The following CDX1 variants were observed in gnomAD, a reference collection of about 807,000 sequenced individuals.
The protein encoded by CDX1 is caudal type homeobox 1.
A neutral mutation model predicts 16.9 loss-of-function variants in CDX1; 9 were observed. The observed-to-expected ratio is 0.53, with a 90% confidence interval of 0.32 to 0.93. The LOEUF (loss-of-function observed/expected upper bound fraction) is 0.93. Ranked by LOEUF, CDX1 falls within the 40% of genes least tolerant of loss-of-function variation. The pLI is 0.04. For missense variants in CDX1, 393 were observed against 386.1 expected (o/e 1.02, Z -0.15); for synonymous variants, 179 against 179.0 (o/e 1.00, Z 0.00).
At chr5:150,173,037 C>A (rs1004855301) in intron 1 of CDX1, among the ~76,000 whole-genome samples, 2 of 152,192 alleles carry the variant, frequency 1.3e-5, no homozygotes, top group East Asian at 3.9e-4. Flanking sequence ...ATGCCACGCT[C>A]ACCCCTCAGG....
At chr5:150,182,666 C>G in intron 1 of CDX1, 102 bp from the exon 2 acceptor site, 1 of 1,176,896 alleles carries the variant, frequency 8.5e-7, no homozygotes, top group Non-Finnish European at 1.2e-6. Context: ...GGTCCTACTT[C>G]AGGGAGCCTG....
chr5:150,168,516 G>A (rs577901653), intron 1 of CDX1, among the ~76,000 whole-genome samples: 4 of 152,196 alleles, frequency 2.6e-5, no homozygotes, highest in Non-Finnish European at 5.9e-5. Context: ...CTAATGTTTT[G>A]GAACACTTAA....
At chr5:150,173,778 A>G (rs1374121966) in intron 1 of CDX1, among the ~76,000 whole-genome samples, 1 of 150,326 alleles carries the variant, frequency 6.7e-6, no homozygotes, top group African/African-American at 2.5e-5. Flanking sequence ...CCATCAAATG[A>G]GTGGCTGGAC....
intron 1 of CDX1, among the ~76,000 whole-genome samples, chr5:150,181,074 A>G (rs1403157673): frequency 6.6e-6 from 1 of 152,200 alleles, no homozygotes; most frequent in African/African-American, 2.4e-5. Context: ...TGTCCCAGAC[A>G]GAGGAAAACC....
intron 1 of CDX1, among the ~76,000 whole-genome samples, chr5:150,171,295 G>T (rs922508189): frequency 6.6e-6 from 1 of 152,178 alleles, no homozygotes; most frequent in South Asian, 2.1e-4. Flanking sequence ...GCATTCTGTG[G>T]CTCCCTACTG....
chr5:150,178,942 C>T (rs1301247718), intron 1 of CDX1, among the ~76,000 whole-genome samples: 2 of 152,044 alleles, frequency 1.3e-5, no homozygotes, highest in African/African-American at 4.8e-5. Context: ...CTCCTCTCCA[C>T]GAATGCACCA....
chr5:150,176,861 CT>C (rs1761575249), intron 1 of CDX1, among the ~76,000 whole-genome samples: 1 of 152,218 alleles, frequency 6.6e-6, no homozygotes, highest in African/African-American at 2.4e-5. Context: ...TCAGCAAGCC[CT>C]TGTGTGTACA....
In CDX1 at chr5:150,182,914, G is replaced by A; in HGVS notation, c.591+1G>A. 3 of 1,603,644 alleles carry A rather than the reference G, an allele frequency of 1.9e-6. No homozygotes were observed. Among genetic ancestry groups the A allele is most frequent in the Non-Finnish European group, 2.6e-6 (3 of 1,175,312 alleles). On this transcript the variant is annotated splice_donor_variant, in intron 2 of 2. Transcript: ENST00000231656. LOFTEE classifies it high-confidence loss of function. ...CAATCTGGGGCTCACTGAACGGCAG[G>A]TGTGTCTGTCTTCCTATCTCAGCCA...
intron 1 of CDX1, among the ~76,000 whole-genome samples, chr5:150,182,152 G>T (rs962278215): frequency 1.1e-4 from 16 of 152,212 alleles, no homozygotes; most frequent in African/African-American, 2.4e-5. Context: ...TCTACCTGTG[G>T]TGGCTCTTCC....
At chr5:150,176,718 C>T (rs901324793) in intron 1 of CDX1, among the ~76,000 whole-genome samples, 1 of 152,194 alleles carries the variant, frequency 6.6e-6, no homozygotes, top group Non-Finnish European at 1.5e-5. Context: ...TTCTAGGCCA[C>T]ACAGATGGCA....
rs564200184 is a variant in CDX1, at chr5:150,168,193, G to A, written c.445+872G>A. Among the ~76,000 whole-genome samples, 7 of 152,340 alleles carry A rather than the reference G, an allele frequency of 4.6e-5. No individual in the cohort carries two copies. In the South Asian group the frequency reaches 1.5e-3, roughly 32 times the overall value. ...ACTGTGTCCGGCCTGTCCTGACAAA[G>A]GCCACCTAGCCTTGGGGGCGGGAAG... is the stretch of plus-strand genomic sequence containing the variant. On this transcript the variant is annotated intron_variant, in intron 1 of 2. Transcript: ENST00000231656.
At chr5:150,182,208 T>A (rs1752458603) in intron 1 of CDX1, among the ~76,000 whole-genome samples, 1 of 152,200 alleles carries the variant, frequency 6.6e-6, no homozygotes, top group African/African-American at 2.4e-5. Context: ...TGCCATCTCA[T>A]TAGTCTTGAT....
intron 1 of CDX1, among the ~76,000 whole-genome samples, chr5:150,175,637 A>G (rs1355458250): frequency 6.6e-6 from 1 of 152,226 alleles, no homozygotes; most frequent in Non-Finnish European, 1.5e-5. Flanking sequence ...CAAGGACCCA[A>G]CTGTGGGTCA....
chr5:150,176,091 A>G (rs778578052), intron 1 of CDX1, among the ~76,000 whole-genome samples: 3 of 152,124 alleles, frequency 2.0e-5, no homozygotes, highest in Admixed American at 6.5e-5. Context: ...GCTCGCCCCA[A>G]ACACCCAGCC....
intron 1 of CDX1, among the ~76,000 whole-genome samples, chr5:150,182,106 C>T (rs1316518618): frequency 6.6e-6 from 1 of 152,206 alleles, no homozygotes; most frequent in East Asian, 1.9e-4. Flanking sequence ...AGGGAGCCCA[C>T]ACCTGGGACA....
intron 2 of CDX1, 61 bp from the exon 3 acceptor site, chr5:150,183,413 T>C (rs934255564): frequency 1.0e-5 from 15 of 1,430,992 alleles, no homozygotes; most frequent in Non-Finnish European, 1.4e-5. Flanking sequence ...CTCTCCTTCT[T>C]GCACTCTCTC....
rs139721350 is a variant in CDX1 at position 150,179,859 on chromosome 5, G to A, written c.446-2909G>A. Reference sequence around the variant, plus strand: ...AAGCTTCTGTTACCAACACTTTGGGGGCTCCATGGCAGGCTCAGTGGGCCC... The same window carrying A: ...AAGCTTCTGTTACCAACACTTTGGGAGCTCCATGGCAGGCTCAGTGGGCCC... On this transcript the variant is annotated intron_variant, in intron 1 of 2. Coordinates refer to ENST00000231656, the MANE Select transcript of CDX1 (RefSeq NM_001804.3). 2.0e-3 allele frequency among the ~76,000 whole-genome samples: 307 copies of A among 152,348 alleles called. 2 individuals carry two copies. Among genetic ancestry groups the A allele is most frequent in the African/African-American group, 7.0e-3 (293 of 41,586 alleles).
intron 1 of CDX1, among the ~76,000 whole-genome samples, chr5:150,176,579 G>C (rs1172645330): frequency 6.6e-6 from 1 of 152,194 alleles, no homozygotes; most frequent in Non-Finnish European, 1.5e-5. Flanking sequence ...AAGGTGGCAG[G>C]GGGGGCCAGG....
At chr5:150,171,421 C>T (rs972795394) in intron 1 of CDX1, among the ~76,000 whole-genome samples, 2 of 152,094 alleles carry the variant, frequency 1.3e-5, no homozygotes, top group Non-Finnish European at 2.9e-5. Context: ...CTGCAAGCTC[C>T]GCCTCCCAGG....
Sources: gnomAD v4.1 joint callset for allele counts (sites outside exome capture counted in the v4.1 genomes callset) on GRCh38, gnomAD v4.1.1 for gene constraint, MANE v1.5 for transcripts, NCBI Gene and HGNC (gene_info 2026-07-23, HGNC 2026-07-21) for gene names.